LRRC37A2: variants seen among roughly 807,000 people sequenced by gnomAD.
The protein encoded by LRRC37A2 is leucine rich repeat containing 37 member A2.
A neutral mutation model predicts 68.8 loss-of-function variants in LRRC37A2; 9 were observed. That is an observed-to-expected ratio of 0.13 (90% confidence interval 0.08 to 0.23). LRRC37A2 has a LOEUF of 0.23. LRRC37A2 is among the 10% of genes least tolerant of loss of function. The probability of loss-of-function intolerance (pLI) is 1.00; values close to 1 mark genes in which losing one functional copy is unlikely to be tolerated. For missense variants in LRRC37A2, 168 were observed against 950.4 expected (o/e 0.18, Z 10.82); for synonymous variants, 63 against 367.6 (o/e 0.17, Z 9.48).
At chr17:47,030,929 G>A in the LRRC37A2 span, among the ~76,000 whole-genome samples, 7 of 152,132 alleles carry the variant, frequency 4.6e-5, no homozygotes, top group South Asian at 4.2e-4. Context: ...GAATTGAATA[G>A]AGCCTAACCT....
the LRRC37A2 span, chr17:47,019,350 C>A: frequency 1.1e-5 from 17 of 1,610,222 alleles, no homozygotes; most frequent in Non-Finnish European, 1.4e-5. Context: ...CACCGTTCAA[C>A]CTCTGGACCT....
At chr17:46,801,122 A>G in the LRRC37A2 span, among the ~76,000 whole-genome samples, 1 of 152,182 alleles carries the variant, frequency 6.6e-6, no homozygotes, top group Non-Finnish European at 1.5e-5. Context: ...TTGCAGAGAG[A>G]AAACCAAGGC....
At chr17:46,828,010 C>A in the LRRC37A2 span, among the ~76,000 whole-genome samples, 1 of 151,148 alleles carries the variant, frequency 6.6e-6, no homozygotes, top group Admixed American at 6.6e-5. Flanking sequence ...CGGGGTTTCA[C>A]CATGTTAGCC....
chr17:46,851,769 C>A, the LRRC37A2 span: 1 of 966,874 alleles, frequency 1.0e-6, no homozygotes, highest in Non-Finnish European at 1.4e-6. The surrounding 1 kb of genome is among the most constrained non-coding windows in gnomAD (Gnocchi z 4.3). Flanking sequence ...TCTCTCCCTC[C>A]TGCGCTACAG....
the LRRC37A2 span, among the ~76,000 whole-genome samples, chr17:46,737,209 G>T: frequency 6.6e-6 from 1 of 152,152 alleles, no homozygotes; most frequent in Non-Finnish European, 1.5e-5. Context: ...GCACAAGGTG[G>T]GCACAGGTCA....
At chr17:46,709,214 G>A in the LRRC37A2 span, among the ~76,000 whole-genome samples, 1 of 151,904 alleles carries the variant, frequency 6.6e-6, no homozygotes, top group Admixed American at 6.6e-5. Flanking sequence ...TATTACTATT[G>A]TGACTTTTAA....
chr17:46,746,545 G>A, the LRRC37A2 span, among the ~76,000 whole-genome samples: 1 of 152,064 alleles, frequency 6.6e-6, no homozygotes, highest in African/African-American at 2.4e-5. Context: ...CTGTGTATAG[G>A]TTCAATGATT....
chr17:46,377,098 GT>G, the LRRC37A2 span, among the ~76,000 whole-genome samples: 1 of 2 alleles, frequency 0.5, no homozygotes, highest in Admixed American at 0.5. Flanking sequence ...TATTATCTTT[GT>G]TTTTTTGCAG....
chr17:46,726,896 T>C, the LRRC37A2 span, among the ~76,000 whole-genome samples: 1 of 152,170 alleles, frequency 6.6e-6, no homozygotes, highest in African/African-American at 2.4e-5. Context: ...AGTAAATGAT[T>C]AGTAATTTTC....
At chr17:46,679,563 A>T in the LRRC37A2 span, among the ~76,000 whole-genome samples, 13 of 129,446 alleles carry the variant, frequency 1.0e-4, no homozygotes, top group Admixed American at 2.4e-4. Flanking sequence ...TTGGTGGCGC[A>T]CAGCTGTAAT....
the LRRC37A2 span, chr17:46,711,268 A>G: frequency 2.7e-6 from 2 of 744,520 alleles, no homozygotes; most frequent in South Asian, 3.1e-5. Flanking sequence ...CTATGTACCA[A>G]TATTGTGTAC....
the LRRC37A2 span, among the ~76,000 whole-genome samples, chr17:46,819,683 C>A: frequency 1.3e-5 from 2 of 152,206 alleles, no homozygotes; most frequent in African/African-American, 4.8e-5. The surrounding 1 kb of genome is among the most constrained non-coding windows in gnomAD (Gnocchi z 5.3). Flanking sequence ...GGAGCTCCAG[C>A]CTGGGGTTTG....
chr17:46,454,198 A>T, the LRRC37A2 span, among the ~76,000 whole-genome samples: 3 of 105,616 alleles, frequency 2.8e-5, no homozygotes, highest in Non-Finnish European at 6.3e-5. Context: ...TTTTTTTTTT[A>T]AGTATTTAAA....
chr17:46,985,872 A>G, the LRRC37A2 span, among the ~76,000 whole-genome samples: 4 of 152,198 alleles, frequency 2.6e-5, no homozygotes, highest in African/African-American at 7.2e-5. Context: ...CTTCTGCTCT[A>G]TGCTTCTTGT....
At chr17:46,545,113 T>C (rs1363235824) in intron 8 of LRRC37A2, among the ~76,000 whole-genome samples, 1 of 131,158 alleles carries the variant, frequency 7.6e-6, no homozygotes, top group East Asian at 2.4e-4. Flanking sequence ...ATCACTTGAC[T>C]AAGGTGATCT....
the LRRC37A2 span, chr17:46,704,858 A>G: frequency 6.3e-6 from 10 of 1,594,896 alleles, no homozygotes; most frequent in Non-Finnish European, 8.5e-6. Flanking sequence ...CAAACCAGTG[A>G]GTATGCCCAT....
chr17:46,755,519 A>T, the LRRC37A2 span: 1 of 759,730 alleles, frequency 1.3e-6, no homozygotes, highest in Admixed American at 2.3e-5. Flanking sequence ...CCAAGCAAGG[A>T]AGTTGGTTGT....
chr17:46,881,424 T>C, the LRRC37A2 span, among the ~76,000 whole-genome samples: 1 of 152,238 alleles, frequency 6.6e-6, no homozygotes, highest in Admixed American at 6.5e-5. Context: ...TTTTCTCTCT[T>C]GAACCTCACA....
At chr17:47,028,268 T>C in the LRRC37A2 span, 6 of 1,467,830 alleles carry the variant, frequency 4.1e-6, no homozygotes, top group South Asian at 2.4e-5. Flanking sequence ...CTTGTGTCTT[T>C]TTTTTTTTTA....
Sources: allele counts gnomAD v4.1 joint callset (sites outside exome capture counted in the v4.1 genomes callset), GRCh38; gene constraint gnomAD v4.1.1; non-coding constraint Gnocchi (gnomAD v3.1); transcripts MANE v1.5; gene names NCBI Gene and HGNC (gene_info 2026-07-23, HGNC 2026-07-21).